MARCHF4: variants seen among roughly 807,000 people sequenced by gnomAD.
The protein encoded by MARCHF4 is E3 ubiquitin-protein ligase MARCHF4.
MARCHF4 carries 14 observed loss-of-function variants against 43.9 expected under a neutral mutation model. That is an observed-to-expected ratio of 0.32 (90% CI 0.21 to 0.50). The LOEUF (loss-of-function observed/expected upper bound fraction) is 0.50, where lower values mean the gene tolerates loss of function less well. Among genes scored for constraint, MARCHF4 ranks in the 20% least tolerant of loss-of-function variants. The pLI, the probability that MARCHF4 is intolerant of heterozygous loss-of-function variation, is 0.98. For missense variants in MARCHF4, 468 were observed against 536.7 expected (o/e 0.87, Z 1.27); for synonymous variants, 226 against 213.3 (o/e 1.06, Z -0.52).
intron 1 of MARCHF4, among the ~76,000 whole-genome samples, chr2:216,361,830 T>C (rs1692587619): frequency 6.6e-6 from 1 of 152,190 alleles, no homozygotes; most frequent in Non-Finnish European, 1.5e-5. Context: ...AGCAACAGTG[T>C]GATCTGAGGG....
chr2:216,292,918 G>A (rs1691330177), intron 1 of MARCHF4, among the ~76,000 whole-genome samples: 1 of 152,196 alleles, frequency 6.6e-6, no homozygotes, highest in African/African-American at 2.4e-5. Context: ...GACCTATCAT[G>A]AAGACCTTCT....
At chr2:216,293,103 C>G (rs950571650) in intron 1 of MARCHF4, among the ~76,000 whole-genome samples, 2 of 152,152 alleles carry the variant, frequency 1.3e-5, no homozygotes, top group African/African-American at 4.8e-5. Flanking sequence ...GTTCACAGAC[C>G]AGCCAATCTG....
chr2:216,315,629 T>C (rs1381230645), intron 1 of MARCHF4, among the ~76,000 whole-genome samples: 1 of 152,226 alleles, frequency 6.6e-6, no homozygotes, highest in Non-Finnish European at 1.5e-5. Flanking sequence ...AGTAGAAAAG[T>C]GCAGCTTACA....
At position 216,259,649 on chromosome 2, in the gene MARCHF4, T is replaced by A; in HGVS notation, c.896A>T (p.Tyr299Phe). 6.2e-7 allele frequency: 1 copy of A among 1,614,140 alleles called. No individual in the cohort carries two copies. Among genetic ancestry groups the A allele is most frequent in the Non-Finnish European group, 8.5e-7 (1 of 1,180,016 alleles). Residue 299 changes from tyrosine to phenylalanine, a missense_variant, in exon 4 of 4, where the codon TAC (tyrosine) becomes TTC (phenylalanine). By Grantham distance (22) the Tyr-to-Phe change is conservative. Coordinates refer to ENST00000273067, the MANE Select transcript of MARCHF4 (RefSeq NM_020814.3). ...GLIIHEGPSV[Y>F]RIFKRWQAVN... ...AGCCTGCCACCGTTTAAAGATGCGG[T>A]ACACCGAGGGTCCTTCATGGATGAT...
intron 2 of MARCHF4, among the ~76,000 whole-genome samples, chr2:216,281,773 G>T (rs1691132267): frequency 6.6e-6 from 1 of 152,182 alleles, no homozygotes; most frequent in African/African-American, 2.4e-5. Context: ...GCCCCCAGCA[G>T]TGAGTGTCAA....
At chr2:216,327,406 T>C (rs1692012856) in intron 1 of MARCHF4, among the ~76,000 whole-genome samples, 1 of 152,168 alleles carries the variant, frequency 6.6e-6, no homozygotes, top group Non-Finnish European at 1.5e-5. Flanking sequence ...GGTCTGCTTC[T>C]ATAGGTTTTA....
intron 1 of MARCHF4, among the ~76,000 whole-genome samples, chr2:216,326,654 C>A (rs542803543): frequency 6.6e-6 from 1 of 152,238 alleles, no homozygotes; most frequent in South Asian, 2.1e-4. Context: ...AGTTCATGTC[C>A]TTTGTAGGGA....
intron 1 of MARCHF4, among the ~76,000 whole-genome samples, chr2:216,354,852 G>GTT (rs1247755933): frequency 6.6e-6 from 1 of 151,768 alleles, no homozygotes; most frequent in Non-Finnish European, 1.5e-5. Flanking sequence ...TCTACTCTCA[G>GTT]TTAATTCCTG....
chr2:216,269,070 C>T (rs1187448134), intron 3 of MARCHF4, among the ~76,000 whole-genome samples: 1 of 152,008 alleles, frequency 6.6e-6, no homozygotes, highest in African/African-American at 2.4e-5. Flanking sequence ...TGCTGATTAC[C>T]ATATTCTACT....
chr2:216,299,280 C>T (rs1691449164), intron 1 of MARCHF4, among the ~76,000 whole-genome samples: 1 of 152,176 alleles, frequency 6.6e-6, no homozygotes, highest in South Asian at 2.1e-4. Flanking sequence ...CTGGAGGCTG[C>T]AGAATCTTAG....
intron 1 of MARCHF4, among the ~76,000 whole-genome samples, chr2:216,316,622 CA>C (rs1691782236): frequency 6.6e-6 from 1 of 152,084 alleles, no homozygotes; most frequent in Admixed American, 6.6e-5. Context: ...GATACACCCC[CA>C]AATCCCAAAA....
At chr2:216,333,887 T>C (rs1296929236) in intron 1 of MARCHF4, among the ~76,000 whole-genome samples, 1 of 151,902 alleles carries the variant, frequency 6.6e-6, no homozygotes, top group Admixed American at 6.6e-5. Context: ...TTTTGTGACA[T>C]GGTGCCAAAG....
intron 1 of MARCHF4, among the ~76,000 whole-genome samples, chr2:216,296,446 T>C (rs1691396759): frequency 6.6e-6 from 1 of 152,212 alleles, no homozygotes; most frequent in South Asian, 2.1e-4. Context: ...GCCTTCTTCC[T>C]GCACATGTGT....
intron 1 of MARCHF4, among the ~76,000 whole-genome samples, chr2:216,368,261 T>C (rs1486695580): frequency 6.6e-6 from 1 of 152,210 alleles, no homozygotes; most frequent in Non-Finnish European, 1.5e-5. Flanking sequence ...CACCCTCTTG[T>C]TGTCAGCCGA....
intron 1 of MARCHF4, among the ~76,000 whole-genome samples, chr2:216,362,604 C>T (rs183586555): frequency 1.3e-5 from 2 of 152,306 alleles, no homozygotes; most frequent in Non-Finnish European, 2.9e-5. Context: ...AGGACTGGGG[C>T]CCTTGTGTCC....
At position 216,275,980 on chromosome 2, in the gene MARCHF4, A is replaced by C. The variant is rs796215038; in HGVS notation, c.865+1692T>G. ...CAGAGCAGGCCTGAACCCAATGCAC[A>C]ACCAGAAGTTAAGCCCAGCCAACCT... is the stretch of plus-strand genomic sequence containing the variant. On this transcript the variant is annotated intron_variant, in intron 3 of 3. Transcript: ENST00000273067. 1.1e-4 allele frequency among the ~76,000 whole-genome samples: 16 copies of C among 152,326 alleles called. 1 individual carries two copies. Among genetic ancestry groups the C allele is most frequent in the African/African-American group, 3.6e-4 (15 of 41,576 alleles).
chr2:216,328,209 C>T (rs1000968503), intron 1 of MARCHF4, among the ~76,000 whole-genome samples: 5 of 152,082 alleles, frequency 3.3e-5, no homozygotes, highest in African/African-American at 7.2e-5. Flanking sequence ...CTCGCTCTGA[C>T]GCCAGGCTAG....
intron 1 of MARCHF4, among the ~76,000 whole-genome samples, chr2:216,350,149 C>T (rs570825503): frequency 5.8e-4 from 88 of 152,078 alleles, no homozygotes; most frequent in Admixed American, 1.8e-3. Context: ...CACACCACCA[C>T]GACCATGCTA....
chr2:216,333,832 C>T (rs1242247438), intron 1 of MARCHF4, among the ~76,000 whole-genome samples: 1 of 152,192 alleles, frequency 6.6e-6, no homozygotes, highest in African/African-American at 2.4e-5. Context: ...CCCTTAGGAA[C>T]TGACCACAGC....
Sources: gnomAD v4.1 joint callset for allele counts (sites outside exome capture counted in the v4.1 genomes callset) on GRCh38, gnomAD v4.1.1 for gene constraint, MANE v1.5 for transcripts, NCBI Gene and HGNC (gene_info 2026-07-23, HGNC 2026-07-21) for gene names.